Variants in ALMS1 observed in about 807,000 individuals in gnomAD.
ALMS1 encodes the protein centrosome-associated protein ALMS1.
Under a neutral mutation model 352.2 loss-of-function variants are expected in ALMS1, and 271 were observed. The ratio of observed to expected loss-of-function variants is 0.77; its 90% CI spans 0.70 to 0.85. ALMS1 has a LOEUF of 0.85. ALMS1 is among the 40% of genes least tolerant of loss of function. ALMS1 has a pLI of 0.00. For synonymous variants in ALMS1, 1,865 were observed against 1,761.2 expected (o/e 1.06, Z -1.48); for missense variants, 5,445 against 4,870.7 (o/e 1.12, Z -3.51).
intron 13 of ALMS1, among the ~76,000 whole-genome samples, chr2:73,552,473 G>A (rs1289063297): frequency 6.6e-6 from 1 of 152,162 alleles, no homozygotes; most frequent in East Asian, 1.9e-4. Flanking sequence ...TGTAGATGTG[G>A]AAAAATTGGC....
Position 73,449,662 on chromosome 2 carries a change from A to G in ALMS1, c.3135A>G (p.Val1045=). Residue 1045 remains valine (V), a synonymous_variant, in exon 8 of 23, where the codon GTA becomes GTG. Coordinates refer to ENST00000613296, the MANE Select transcript of ALMS1 (RefSeq NM_001378454.1). ...PADQKTEIPA[V]QSSSYPQREK... ...ACCAGAAGACTGAGATACCAGCAGT[A>G]CAGTCTAGTTCTTACCCACAGAGGG... 1.2e-6 allele frequency: 2 copies of G among 1,614,100 alleles called. No homozygotes were observed. The highest frequency in any genetic ancestry group is 1.1e-5 in the South Asian group (1 of 91,078).
Position 73,573,383 on chromosome 2 carries a change from C to T in ALMS1, c.11506C>T (p.Pro3836Ser). The change falls in exon 16 of 23, where the codon CCC (proline) becomes TCC (serine). Residue 3836 changes from proline to serine, a missense_variant. Transcript: ENST00000613296. ...CAAGAAAGTGCTGAATACAGGTCAT[C>T]CCCTAGTGACTTCTGAGCACACCAG... ...HSKKVLNTGHPLVTSEHTRRR... is the reference protein window; with the variant it reads ...HSKKVLNTGHSLVTSEHTRRR... 1 of 1,614,068 alleles carries T rather than the reference C, an allele frequency of 6.2e-7. No individual in the cohort carries two copies. The highest frequency in any genetic ancestry group is 8.5e-7 in the Non-Finnish European group (1 of 1,179,994).
At chr2:73,482,517 A>G (rs1452675609) in intron 9 of ALMS1, among the ~76,000 whole-genome samples, 4 of 152,188 alleles carry the variant, frequency 2.6e-5, no homozygotes, top group Non-Finnish European at 4.4e-5. Context: ...AATGTTCATC[A>G]AGGATATTGG....
In ALMS1 at chr2:73,451,550, T is replaced by C; in HGVS notation, c.5023T>C (p.Tyr1675His). ...AAATAGGGGGAAGCCTGTCATTTTC[T>C]ACCAGCAGACCCTATCAGACAGTCA... ...YSNRGKPVIF[Y>H]QQTLSDSHLP... Residue 1675 changes from tyrosine (Y) to histidine (H), a missense_variant, in exon 8 of 23, where the codon TAC (tyrosine) becomes CAC (histidine). Transcript: ENST00000613296. 1 of 1,614,052 alleles carries C rather than the reference T, an allele frequency of 6.2e-7. No homozygotes were observed. Among genetic ancestry groups the C allele is most frequent in the Non-Finnish European group, 8.5e-7 (1 of 1,179,974 alleles).
At position 73,452,651 on chromosome 2, in the gene ALMS1, A is replaced by G. The variant is rs1168370021; in HGVS notation, c.6124A>G (p.Thr2042Ala). The change falls in exon 8 of 23, where the codon ACA becomes GCA. Residue 2042 changes from threonine (T) to alanine (A), a missense_variant. Thr to Ala is a moderately conservative substitution (Grantham distance 58). Transcript: ENST00000613296. ...GPNDQKTPSQ[T>A]AFHSSYSQTV... ...AAATGACCAGAAGACTCCATCCCAG[A>G]CAGCTTTTCATAGTTCCTATTCTCA... is the stretch of plus-strand genomic sequence containing the variant. The G allele has an allele frequency of 6.2e-7, 1 of 1,614,014 alleles. No homozygotes were observed. Among genetic ancestry groups the G allele is most frequent in the South Asian group, 1.1e-5 (1 of 91,082 alleles).
chr2:73,489,674 C>G lies in ALMS1; in HGVS notation c.7715C>G (p.Ala2572Gly), dbSNP rs542844943. The G allele has an allele frequency of 6.2e-7, 1 of 1,614,128 alleles. No individual in the cohort carries two copies. Among genetic ancestry groups the G allele is most frequent in the East Asian group, 2.2e-5 (1 of 44,886 alleles). ...SPRGMGCKPEAVCSHIIIESH... is the reference protein window; with the variant it reads ...SPRGMGCKPEGVCSHIIIESH... ...CGGGGAATGGGATGCAAGCCAGAAG[C>G]TGTATGTAGTCACATTATTATTGAG... The change falls in exon 10 of 23, where the codon GCT (alanine) becomes GGT (glycine). Residue 2572 changes from alanine to glycine, a missense_variant. By Grantham distance (60) the Ala-to-Gly change is moderately conservative (BLOSUM62 0). Transcript: ENST00000613296.
At position 73,451,987 on chromosome 2, in the gene ALMS1, GC is replaced by G. The variant is rs770264966; in HGVS notation, c.5462del (p.Pro1821ArgfsTer8). ...KPIVSYQREL[P>X]HFTEAGLKIL... ...CCATTGTTTCCTACCAGCGAGAGTT[GC>G]CGCATTTTACTGAAGCAGGTTTGAA... On this transcript the variant is annotated frameshift_variant, in exon 8 of 23. Transcript: ENST00000613296. LOFTEE classifies it high-confidence loss of function. 3.1e-6 allele frequency: 5 copies of G among 1,613,330 alleles called. No homozygotes were observed. Among genetic ancestry groups the G allele is most frequent in the Non-Finnish European group, 1.7e-6 (2 of 1,179,704 alleles).
chr2:73,430,931 GTATA>G (rs1048501419), intron 6 of ALMS1, among the ~76,000 whole-genome samples: 1 of 151,876 alleles, frequency 6.6e-6, no homozygotes, highest in Non-Finnish European at 1.5e-5. Context: ...GTATATATGT[GTATA>G]TATATAGCCT....
At chr2:73,480,962 G>C (rs1253375209) in intron 9 of ALMS1, among the ~76,000 whole-genome samples, 1 of 149,294 alleles carries the variant, frequency 6.7e-6, no homozygotes, top group Non-Finnish European at 1.5e-5. Flanking sequence ...GTTCATTGTA[G>C]ATTCTGGATA....
chr2:73,460,991 C>T (rs1672185217), intron 9 of ALMS1, among the ~76,000 whole-genome samples: 1 of 152,266 alleles, frequency 6.6e-6, no homozygotes, highest in African/African-American at 2.4e-5. Context: ...CTGCCTGCCT[C>T]TGTAGGCTCC....
At chr2:73,556,467 T>C (rs1161739797) in intron 13 of ALMS1, among the ~76,000 whole-genome samples, 1 of 152,092 alleles carries the variant, frequency 6.6e-6, no homozygotes, top group Non-Finnish European at 1.5e-5. Flanking sequence ...TTTTAAAAAA[T>C]TGTATGAGAA....
At chr2:73,602,398 G>C (rs778356133) in intron 20 of ALMS1, 30 bp downstream of exon 20, 1 of 1,613,302 alleles carries the variant, frequency 6.2e-7, no homozygotes, top group Non-Finnish European at 8.5e-7. Context: ...TTTCCTGTGA[G>C]TGGAATAGAG....
At chr2:73,514,183 T>C (rs1213343681) in intron 10 of ALMS1, among the ~76,000 whole-genome samples, 1 of 152,228 alleles carries the variant, frequency 6.6e-6, no homozygotes. Context: ...TCTGTTAATC[T>C]TTATCTTATA....
In ALMS1 at chr2:73,557,333, T is replaced by C. The variant is rs766988823; in HGVS notation, c.10192T>C (p.Ser3398Pro). 1.2e-6 allele frequency: 2 copies of C among 1,614,112 alleles called. No individual in the cohort carries two copies. The highest frequency in any genetic ancestry group is 1.7e-5 in the Admixed American group (1 of 60,030). The change falls in exon 14 of 23, where the codon TCT becomes CCT. Residue 3398 changes from serine (S) to proline (P), a missense_variant. Ser to Pro is a moderately conservative substitution (Grantham distance 74). Transcript: ENST00000613296. ...TEAAQAKEKE[S>P]LQKDTADSSA... is the part of the protein sequence containing the mutation. ...GGCTGCCCAGGCTAAAGAAAAAGAA[T>C]CTTTGCAGAAAGATACTGCAGGTAG...
intron 11 of ALMS1, 49 bp downstream of exon 11, chr2:73,520,065 T>C (rs374174569): frequency 2.5e-5 from 40 of 1,611,056 alleles, no homozygotes; most frequent in Middle Eastern, 3.3e-4. Context: ...CTCTTTTGTG[T>C]AGTTATCTTA....
chr2:73,475,081 T>G (rs1672556401), intron 9 of ALMS1, among the ~76,000 whole-genome samples: 1 of 152,174 alleles, frequency 6.6e-6, no homozygotes, highest in African/African-American at 2.4e-5. Flanking sequence ...GAATCAGTAC[T>G]TCATCCCTTT....
chr2:73,471,493 C>CAAA (rs58688820), intron 9 of ALMS1, among the ~76,000 whole-genome samples: 2,795 of 113,558 alleles, frequency 0.025, 101 homozygotes, highest in Admixed American at 0.083. Flanking sequence ...ACTCAACAGC[C>CAAA]AAAAAAAAAA....
At chr2:73,495,904 T>C (rs1673096111) in intron 10 of ALMS1, among the ~76,000 whole-genome samples, 1 of 152,190 alleles carries the variant, frequency 6.6e-6, no homozygotes, top group Non-Finnish European at 1.5e-5. Flanking sequence ...TCATAGCCCC[T>C]ACCCACATGA....
chr2:73,451,784 A>G lies in ALMS1; in HGVS notation c.5257A>G (p.Thr1753Ala), dbSNP rs768668191. 1.2e-6 allele frequency: 2 copies of G among 1,614,132 alleles called. No individual in the cohort carries two copies. The highest frequency in any genetic ancestry group is 1.7e-6 in the Non-Finnish European group (2 of 1,180,012). The change falls in exon 8 of 23, where the codon ACT becomes GCT. Residue 1753 changes from threonine (T) to alanine (A), a missense_variant. Thr to Ala is a moderately conservative substitution (Grantham distance 58). Coordinates refer to ENST00000613296, the MANE Select transcript of ALMS1 (RefSeq NM_001378454.1). ...QPADQKTGLS[T>A]VTSSFYSHTE... ...AGCTGACCAGAAGACTGGGTTATCT[A>G]CTGTAACTTCCTCTTTCTATTCACA... is the stretch of plus-strand genomic sequence containing the variant.
Sources: allele counts gnomAD v4.1 joint callset (sites outside exome capture counted in the v4.1 genomes callset), GRCh38; gene constraint gnomAD v4.1.1; transcripts MANE v1.5; gene names NCBI Gene and HGNC (gene_info 2026-07-23, HGNC 2026-07-21).